TCTN3: variants seen among roughly 807,000 people sequenced by gnomAD.
The protein encoded by TCTN3 is tectonic family member 3.
In TCTN3, 57 loss-of-function variants were observed where a neutral mutation model predicts 71.3. That is an observed-to-expected ratio of 0.80 (90% CI 0.65 to 1.00). The LOEUF (loss-of-function observed/expected upper bound fraction) is 1.00, where lower values mean the gene tolerates loss of function less well. TCTN3 is among the 50% of genes least tolerant of loss of function. The pLI is 0.00. For synonymous variants in TCTN3, 258 were observed against 267.8 expected (o/e 0.96, Z 0.36); for missense variants, 696 against 719.9 (o/e 0.97, Z 0.38).
chr10:95,672,312 A>C (rs1319496514), intron 13 of TCTN3, among the ~76,000 whole-genome samples: 1 of 151,982 alleles, frequency 6.6e-6, no homozygotes, highest in Non-Finnish European at 1.5e-5. Context: ...CTCAAGATGG[A>C]TATTTGGGTT....
chr10:95,684,682 GA>G (rs2097946611), intron 8 of TCTN3, 58 bp from the exon 9 acceptor site: 1 of 1,582,384 alleles, frequency 6.3e-7, no homozygotes, highest in Non-Finnish European at 8.6e-7. Flanking sequence ...ATATGTTTAG[GA>G]CAGAAGATTT....
chr10:95,689,098 T>A (rs1157368680), intron 3 of TCTN3, among the ~76,000 whole-genome samples: 1 of 152,142 alleles, frequency 6.6e-6, no homozygotes, highest in Non-Finnish European at 1.5e-5. Context: ...CTTTTCAGCT[T>A]GCTGAAAAGT....
intron 13 of TCTN3, among the ~76,000 whole-genome samples, chr10:95,674,910 A>G (rs2097935440): frequency 6.6e-6 from 1 of 151,206 alleles, no homozygotes; most frequent in Non-Finnish European, 1.5e-5. Context: ...AAATATCTCC[A>G]TTTTTTTTTC....
At chr10:95,679,069 C>G (rs2097940241) in intron 13 of TCTN3, among the ~76,000 whole-genome samples, 1 of 152,110 alleles carries the variant, frequency 6.6e-6, no homozygotes, top group Non-Finnish European at 1.5e-5. Context: ...TGAAGCACAG[C>G]TAAAATTCTC....
At chr10:95,675,291 C>T (rs2097935868) in intron 13 of TCTN3, among the ~76,000 whole-genome samples, 1 of 151,968 alleles carries the variant, frequency 6.6e-6, no homozygotes, top group Non-Finnish European at 1.5e-5. Flanking sequence ...CAGGGTTTTG[C>T]CGTTTTGGCC....
At position 95,682,644 on chromosome 10, in the gene TCTN3, T is replaced by C; in HGVS notation, c.1452+7A>G. 6.2e-7 allele frequency: 1 copy of C among 1,609,166 alleles called. No homozygotes were observed. Among genetic ancestry groups the C allele is most frequent in the South Asian group, 1.1e-5 (1 of 90,144 alleles). ...GTCTTCATCAGAAAGTATATTTCTC[T>C]CCTTACTGAAATGCTGCAGTGCCTG... On this transcript the variant is annotated splice_region_variant and intron_variant, in intron 12 of 13. Transcript: ENST00000371217.
At chr10:95,689,713 C>T (rs1210174561) in intron 3 of TCTN3, among the ~76,000 whole-genome samples, 1 of 152,168 alleles carries the variant, frequency 6.6e-6, no homozygotes, top group African/African-American at 2.4e-5. Flanking sequence ...TCTACCATCA[C>T]AGATGATATA....
In TCTN3 at chr10:95,679,985, C is replaced by T. The variant is rs76772963; in HGVS notation, c.1590+487G>A. On this transcript the variant is annotated intron_variant, in intron 13 of 13. Transcript: ENST00000371217. ...GGCAGATGCTAAAGCTCTCCTAAGG[C>T]GCATAATAAACAATAGGTATATGTT... Among the ~76,000 whole-genome samples, 699 of 152,284 alleles carry T rather than the reference C, an allele frequency of 4.6e-3. 3 individuals are homozygous for T. The highest frequency in any genetic ancestry group is 7.6e-3 in the Non-Finnish European group (517 of 68,024).
chr10:95,692,802 A>C (rs1054146231), intron 3 of TCTN3, 118 bp downstream of exon 3: 1 of 703,300 alleles, frequency 1.4e-6, no homozygotes. Flanking sequence ...CTCATCAGCT[A>C]TCGTTAGTGT....
At chr10:95,677,488 T>TTTTTTTTTTTTC (rs2097938491) in intron 13 of TCTN3, among the ~76,000 whole-genome samples, 1 of 142,544 alleles carries the variant, frequency 7.0e-6, no homozygotes, top group Non-Finnish European at 1.6e-5. Flanking sequence ...TTTTTGTTTT[T>TTTTTTTTTTTTC]TTTTTTTTTT....
intron 13 of TCTN3, among the ~76,000 whole-genome samples, chr10:95,674,875 G>C (rs2097935402): frequency 6.6e-6 from 1 of 152,090 alleles, no homozygotes; most frequent in African/African-American, 2.4e-5. Flanking sequence ...TGTTGTAAAT[G>C]TCCATGTAAA....
At chr10:95,668,552 C>CATTT (rs1462181375) in intron 13 of TCTN3, among the ~76,000 whole-genome samples, 1 of 151,944 alleles carries the variant, frequency 6.6e-6, no homozygotes, top group African/African-American at 2.4e-5. Flanking sequence ...ACCAAATGAT[C>CATTT]ATTTAAGCAT....
In TCTN3 at chr10:95,692,971, C is replaced by G; in HGVS notation, c.448G>C (p.Val150Leu). Reference protein sequence around the residue: ...FRSNSPFPSRVFMDSNGIRQF... With the variant: ...FRSNSPFPSRLFMDSNGIRQF... ...CTGATTCCATTAGAATCCATGAAAA[C>G]TCTTGAAGGAAACGGGGAATTACTC... Residue 150 changes from valine (V) to leucine (L), a missense_variant, in exon 3 of 14, where the codon GTT becomes CTT. Val to Leu is a conservative substitution (Grantham distance 32). Coordinates refer to ENST00000371217, the MANE Select transcript of TCTN3 (RefSeq NM_015631.6). 1 of 1,614,114 alleles carries G rather than the reference C, an allele frequency of 6.2e-7. No homozygotes were observed. The highest frequency in any genetic ancestry group is 8.5e-7 in the Non-Finnish European group (1 of 1,180,020).
chr10:95,665,686 G>T (rs550127646), intron 13 of TCTN3, among the ~76,000 whole-genome samples: 26 of 152,126 alleles, frequency 1.7e-4, no homozygotes, highest in Non-Finnish European at 2.9e-4. Flanking sequence ...GCCTTTAGGA[G>T]GGCTTATTTG....
chr10:95,679,203 G>GA (rs1352247009), intron 13 of TCTN3, among the ~76,000 whole-genome samples: 1 of 151,838 alleles, frequency 6.6e-6, no homozygotes, highest in Non-Finnish European at 1.5e-5. Flanking sequence ...AAAATACCCA[G>GA]ACAAAAAAAA....
rs1268673194 is a variant in TCTN3 at position 95,692,905 on chromosome 10, C to T, written c.499+15G>A. 1 of 1,567,214 alleles carries T rather than the reference C, an allele frequency of 6.4e-7. No individual in the cohort carries two copies. The highest frequency in any genetic ancestry group is 8.8e-7 in the Non-Finnish European group (1 of 1,137,384). On this transcript the variant is annotated intron_variant, in intron 3 of 13. Coordinates refer to ENST00000371217, the MANE Select transcript of TCTN3 (RefSeq NM_015631.6). ...TGTGTTAGAAAATGAGAACAACCAA[C>T]ATGTTTCTACTCACAGTTGTTCACA...
chr10:95,684,339 T>C (rs554915945), intron 9 of TCTN3, among the ~76,000 whole-genome samples, 160 bp downstream of exon 9: 12 of 152,204 alleles, frequency 7.9e-5, no homozygotes, highest in Non-Finnish European at 1.5e-4. Context: ...CCACAACTTG[T>C]AGTAAAATTA....
intron 13 of TCTN3, among the ~76,000 whole-genome samples, chr10:95,666,079 T>C (rs2097925366): frequency 6.6e-6 from 1 of 152,038 alleles, no homozygotes; most frequent in South Asian, 2.1e-4. Flanking sequence ...TAGCTGGGAC[T>C]ACATGTGCCC....
chr10:95,687,826 T>C (rs1023293300), intron 3 of TCTN3, 107 bp from the exon 4 acceptor site: 34 of 1,318,360 alleles, frequency 2.6e-5, no homozygotes, highest in Non-Finnish European at 3.2e-5. Flanking sequence ...GGTGCAAATC[T>C]TAAGTGTAAA....
Sources: gnomAD v4.1 joint callset for allele counts (sites outside exome capture counted in the v4.1 genomes callset) on GRCh38, gnomAD v4.1.1 for gene constraint, MANE v1.5 for transcripts, NCBI Gene and HGNC (gene_info 2026-07-23, HGNC 2026-07-21) for gene names.